ADK: variants seen among roughly 807,000 people sequenced by gnomAD.
ADK encodes the protein adenosine kinase, also known as N6,N6-dimethyladenosine kinase.
ADK carries 24 observed loss-of-function variants against 44.7 expected under a neutral mutation model. That is an observed-to-expected ratio of 0.54 (90% CI 0.39 to 0.76). The LOEUF is 0.76. ADK is among the 30% of genes least tolerant of loss of function. The pLI, the probability that ADK is intolerant of heterozygous loss-of-function variation, is 0.00. For synonymous variants in ADK, 128 were observed against 142.6 expected, an observed-to-expected ratio of 0.90 and a Z score of 0.73; for missense variants, 321 against 425.1, an observed-to-expected ratio of 0.76 and a Z score of 2.15.
At chr10:74,224,289 G>T (rs1844439381) in intron 2 of ADK, among the ~76,000 whole-genome samples, 1 of 152,198 alleles carries the variant, frequency 6.6e-6, no homozygotes, top group South Asian at 2.1e-4. Context: ...CATTACAGAT[G>T]ATTCACTACA....
At chr10:74,157,913 A>C (rs1564565384) in intron 1 of ADK, among the ~76,000 whole-genome samples, 1 of 152,158 alleles carries the variant, frequency 6.6e-6, no homozygotes, top group South Asian at 2.1e-4. Flanking sequence ...ACTTACATCT[A>C]ACTGGGAGTT....
At chr10:74,526,204 A>T (rs1849034607) in intron 7 of ADK, among the ~76,000 whole-genome samples, 1 of 151,928 alleles carries the variant, frequency 6.6e-6, no homozygotes, top group South Asian at 2.1e-4. Context: ...TAATATTTTT[A>T]AAATATTGTC....
rs11594739 is a variant in ADK at position 74,649,603 on chromosome 10, C to T, written c.878-20580C>T. ...TTGCACCACTGTACTCCAACCTGGGCGACAGAGTGAGACTCTATATCAAAA... is the reference window on the plus strand; with the variant it reads ...TTGCACCACTGTACTCCAACCTGGGTGACAGAGTGAGACTCTATATCAAAA... On this transcript the variant is annotated intron_variant, in intron 9 of 10. Transcript: ENST00000539909. Among the ~76,000 whole-genome samples the T allele has an allele frequency of 1.8e-3, 265 of 151,074 alleles. 1 individual carries two copies. The Middle Eastern group carries it at 0.02, about 12-fold the overall frequency.
intron 7 of ADK, among the ~76,000 whole-genome samples, chr10:74,564,227 G>A (rs1850563828): frequency 6.6e-6 from 1 of 152,056 alleles, no homozygotes; most frequent in Non-Finnish European, 1.5e-5. Context: ...TAAAGAGCCA[G>A]AATCTCAGAA....
chr10:74,485,401 G>A (rs1201831157), intron 6 of ADK, among the ~76,000 whole-genome samples: 1 of 151,844 alleles, frequency 6.6e-6, no homozygotes, highest in Non-Finnish European at 1.5e-5. Context: ...TGTCAAGGTT[G>A]CAGTGTGGTA....
chr10:74,257,727 T>C (rs1482374290), intron 3 of ADK, among the ~76,000 whole-genome samples: 1 of 152,228 alleles, frequency 6.6e-6, no homozygotes, highest in Non-Finnish European at 1.5e-5. Context: ...AAATTAGATT[T>C]TGACATGAAA....
intron 6 of ADK, among the ~76,000 whole-genome samples, chr10:74,459,279 T>G (rs1168492193): frequency 6.8e-6 from 1 of 146,166 alleles, no homozygotes; most frequent in East Asian, 2.0e-4. Flanking sequence ...AGACCTCATC[T>G]CAAAAAAAAA....
chr10:74,530,823 G>C (rs1278088300), intron 7 of ADK, among the ~76,000 whole-genome samples: 1 of 152,176 alleles, frequency 6.6e-6, no homozygotes, highest in East Asian at 1.9e-4. Context: ...TACTCGGGTG[G>C]CTGAGGCATG....
rs191256423 is a variant in ADK, at chr10:74,478,392, A to T, written c.556-46864A>T. Among the ~76,000 whole-genome samples the T allele has an allele frequency of 2.0e-3, 300 of 152,042 alleles. 3 individuals are homozygous for T. The highest frequency in any genetic ancestry group is 6.8e-3 in the African/African-American group (284 of 41,472). On this transcript the variant is annotated intron_variant, in intron 6 of 10. Transcript: ENST00000539909. Reference sequence around the variant, plus strand: ...GTGCCACCACACCTAGCTAATTTTTAAAAAAAATTTTCATAGAGATGAGTG... The same window carrying T: ...GTGCCACCACACCTAGCTAATTTTTTAAAAAAATTTTCATAGAGATGAGTG...
In ADK at chr10:74,708,491, ATT is replaced by A. The variant is rs778998467; in HGVS notation, c.*47_*48del. On this transcript the variant is annotated 3_prime_UTR_variant, in exon 11 of 11. Coordinates refer to ENST00000539909, the MANE Select transcript of ADK (RefSeq NM_006721.4). ...GCCCAGGAGTGCAGACACTGCCCTAATTGCTTCCTGAGAATTCCCATATTAAT... is the reference window on the plus strand; with the variant it reads ...GCCCAGGAGTGCAGACACTGCCCTAAGCTTCCTGAGAATTCCCATATTAAT... The A allele has an allele frequency of 1.3e-4, 200 of 1,599,406 alleles. No individual in the cohort carries two copies. Among genetic ancestry groups the A allele is most frequent in the Non-Finnish European group, 1.6e-4 (190 of 1,174,658 alleles).
At chr10:74,533,598 C>T (rs927684241) in intron 7 of ADK, among the ~76,000 whole-genome samples, 13 of 152,270 alleles carry the variant, frequency 8.5e-5, no homozygotes, top group Admixed American at 3.9e-4. Context: ...CTTCAACCCA[C>T]GTAACAAACA....
At chr10:74,196,283 T>C (rs562303830) in intron 1 of ADK, among the ~76,000 whole-genome samples, 4 of 151,540 alleles carry the variant, frequency 2.6e-5, no homozygotes, top group Non-Finnish European at 5.9e-5. Context: ...GGCTCACACC[T>C]GTAATCCCAG....
chr10:74,474,929 C>T (rs1354717620), intron 6 of ADK, among the ~76,000 whole-genome samples: 2 of 152,100 alleles, frequency 1.3e-5, no homozygotes, highest in African/African-American at 4.8e-5. Flanking sequence ...AGATCGAGAC[C>T]ATTCTGACCA....
At chr10:74,329,462 A>T (rs1225175429) in intron 4 of ADK, among the ~76,000 whole-genome samples, 1 of 152,128 alleles carries the variant, frequency 6.6e-6, no homozygotes, top group Non-Finnish European at 1.5e-5. Flanking sequence ...GTAGAGGTCC[A>T]TACACCTTGG....
At chr10:74,411,828 A>G (rs1449026764) in intron 6 of ADK, among the ~76,000 whole-genome samples, 1 of 152,198 alleles carries the variant, frequency 6.6e-6, no homozygotes, top group African/African-American at 2.4e-5. Flanking sequence ...AGCCCTCTCT[A>G]ACTCTGTTGT....
chr10:74,511,381 T>G (rs987325548), intron 6 of ADK, among the ~76,000 whole-genome samples: 2 of 152,246 alleles, frequency 1.3e-5, no homozygotes, highest in African/African-American at 4.8e-5. Flanking sequence ...TAGAATTTTT[T>G]TCCATTTCTG....
intron 9 of ADK, among the ~76,000 whole-genome samples, chr10:74,664,965 G>GT (rs1423672360): frequency 6.6e-6 from 1 of 152,164 alleles, no homozygotes; most frequent in Non-Finnish European, 1.5e-5. Context: ...TTAAAATGTT[G>GT]TTTTCTGTGT....
chr10:74,650,798 G>C (rs573487105), intron 9 of ADK, among the ~76,000 whole-genome samples: 25 of 152,256 alleles, frequency 1.6e-4, no homozygotes, highest in Non-Finnish European at 3.2e-4. Context: ...AAATAGTATT[G>C]TGATCTGTGA....
In ADK at chr10:74,525,321, C is replaced by T; in HGVS notation, c.621C>T (p.Asn207=). The change falls in exon 7 of 11, where the codon AAC becomes AAT. Residue 207 remains asparagine, a synonymous_variant. Coordinates refer to ENST00000539909, the MANE Select transcript of ADK (RefSeq NM_006721.4). ...LKVAHHASEN[N]RIFTLNLSAP... ...TGGCTCACCATGCTTCTGAAAACAA[C>T]AGGATTTTCACTTTGAATCTATCTG... 6.2e-7 allele frequency: 1 copy of T among 1,613,672 alleles called. No homozygotes were observed. Among genetic ancestry groups the T allele is most frequent in the Non-Finnish European group, 8.5e-7 (1 of 1,179,786 alleles).
Sources: gnomAD v4.1 joint callset for allele counts (sites outside exome capture counted in the v4.1 genomes callset) on GRCh38, gnomAD v4.1.1 for gene constraint, MANE v1.5 for transcripts, NCBI Gene and HGNC (gene_info 2026-07-23, HGNC 2026-07-21) for gene names.